Variants in IKZF2 observed in about 807,000 individuals in gnomAD.
IKZF2 encodes zinc finger protein Helios.
In IKZF2, 15 loss-of-function variants were observed where a neutral mutation model predicts 49.2. The ratio of observed to expected loss-of-function variants is 0.30; its 90% CI spans 0.20 to 0.47. The LOEUF (loss-of-function observed/expected upper bound fraction) is 0.47. IKZF2 is among the 20% of genes least tolerant of loss of function. IKZF2 has a pLI of 1.00. For missense variants in IKZF2, 567 were observed against 664.6 expected, an observed-to-expected ratio of 0.85 and a Z score of 1.61; for synonymous variants, 227 against 221.4, an observed-to-expected ratio of 1.03 and a Z score of -0.23.
In IKZF2 at chr2:213,001,974, A is replaced by G. The variant is rs968502173; in HGVS notation, c.*5386T>C. The G allele has an allele frequency of 6.6e-6, 1 of 151,576 alleles. No homozygotes were observed. Among genetic ancestry groups the G allele is most frequent in the Non-Finnish European group, 1.5e-5 (1 of 67,584 alleles). The allele number at this position is 151,576 out of a possible 1,614,324, so 9.4% of individuals were successfully genotyped here. ...AAAAAATCAATTTCCAGTAAATTAA[A>G]GTAAGTAAAATCTTGGTAAGTGCAT... On this transcript the variant is annotated 3_prime_UTR_variant, in exon 9 of 9. Transcript: ENST00000434687.
intron 4 of IKZF2, among the ~76,000 whole-genome samples, chr2:213,091,079 G>C (rs12614406): frequency 6.6e-6 from 1 of 151,966 alleles, no homozygotes; most frequent in Admixed American, 6.6e-5. Flanking sequence ...AAAGGTGCCA[G>C]AGGACCAGAG....
intron 4 of IKZF2, among the ~76,000 whole-genome samples, chr2:213,137,135 C>A (rs2060706772): frequency 6.7e-6 from 1 of 149,070 alleles, no homozygotes; most frequent in African/African-American, 2.5e-5. Context: ...TTTTTATTTC[C>A]AAAAAAAAAT....
chr2:213,085,768 T>A (rs1428688750), intron 4 of IKZF2, among the ~76,000 whole-genome samples: 3 of 152,200 alleles, frequency 2.0e-5, no homozygotes, highest in African/African-American at 7.2e-5. Context: ...AACTATCGCA[T>A]CCTGCTGTAT....
rs115101592 is a variant in IKZF2 at position 213,085,021 on chromosome 2, C to T, written c.140-27922G>A. Among the ~76,000 whole-genome samples, 309 of 152,348 alleles carry T rather than the reference C, an allele frequency of 2.0e-3. 1 individual carries two copies. Among genetic ancestry groups the T allele is most frequent in the African/African-American group, 7.1e-3 (295 of 41,588 alleles). On this transcript the variant is annotated intron_variant, in intron 4 of 8. Transcript: ENST00000434687. ...ACTGTCACTTCTATTACGCTGTACG[C>T]TATGACCCAAGAACAATCTTATTCA...
At chr2:213,072,928 A>G (rs1314708418) in intron 4 of IKZF2, among the ~76,000 whole-genome samples, 1 of 152,146 alleles carries the variant, frequency 6.6e-6, no homozygotes, top group South Asian at 2.1e-4. Flanking sequence ...AAGCTTCTTC[A>G]ATACTCTCAA....
At chr2:213,012,034 C>G (rs1696021158) in intron 8 of IKZF2, among the ~76,000 whole-genome samples, 1 of 151,840 alleles carries the variant, frequency 6.6e-6, no homozygotes, top group Non-Finnish European at 1.5e-5. Flanking sequence ...GATCATTGGT[C>G]TGGAGAATTT....
At chr2:213,134,538 C>T (rs1012443702) in intron 4 of IKZF2, among the ~76,000 whole-genome samples, 2 of 152,210 alleles carry the variant, frequency 1.3e-5, no homozygotes, top group African/African-American at 4.8e-5. Flanking sequence ...ACTAATATAA[C>T]TTAATAACTA....
intron 6 of IKZF2, among the ~76,000 whole-genome samples, chr2:213,029,739 T>C (rs913299833): frequency 6.6e-6 from 1 of 152,062 alleles, no homozygotes; most frequent in African/African-American, 2.4e-5. Flanking sequence ...GGATAAAAAG[T>C]TGTTAGGGCA....
intron 6 of IKZF2, among the ~76,000 whole-genome samples, chr2:213,037,105 A>C (rs766592479): frequency 5.3e-5 from 8 of 152,340 alleles, no homozygotes; most frequent in Non-Finnish European, 1.2e-4. Context: ...GCCAAAGTTA[A>C]GACTGTCCAC....
At chr2:213,095,576 C>T (rs978123440) in intron 4 of IKZF2, among the ~76,000 whole-genome samples, 2 of 151,992 alleles carry the variant, frequency 1.3e-5, no homozygotes, top group Non-Finnish European at 2.9e-5. Context: ...TAAAACCATG[C>T]ATATGTTATT....
chr2:213,059,265 C>T (rs952519347), intron 4 of IKZF2, among the ~76,000 whole-genome samples: 1 of 151,602 alleles, frequency 6.6e-6, no homozygotes, highest in East Asian at 1.9e-4. Context: ...AGGAACTTAG[C>T]CCAGTGTTTA....
chr2:213,026,039 A>C (rs1697783352), intron 6 of IKZF2, among the ~76,000 whole-genome samples: 1 of 151,972 alleles, frequency 6.6e-6, no homozygotes, highest in Non-Finnish European at 1.5e-5. Flanking sequence ...CTCTCCAACA[A>C]CTTTCAATAA....
rs1189280032 is a variant in IKZF2, at chr2:213,003,122, G to A, written c.*4238C>T. 6.6e-6 allele frequency: 1 copy of A among 151,932 alleles called. No homozygotes were observed. The highest frequency in any genetic ancestry group is 1.5e-5 in the Non-Finnish European group (1 of 67,628). 9.4% of individuals were successfully genotyped at this position (151,932 alleles called of 1,614,324 possible). A position where few individuals can be genotyped will look rare whatever the true frequency, so the allele number is the denominator to read the frequency against. ...TGAATTATATAGTACTCAATTTTAA[G>A]TGATTTTTAAAAATGCATATTAAAA... is the stretch of plus-strand genomic sequence containing the variant. On this transcript the variant is annotated 3_prime_UTR_variant, in exon 9 of 9. Transcript: ENST00000434687.
intron 4 of IKZF2, among the ~76,000 whole-genome samples, chr2:213,097,191 TC>T (rs1706106682): frequency 2.0e-5 from 3 of 151,928 alleles, no homozygotes; most frequent in Non-Finnish European, 4.4e-5. Flanking sequence ...TGGGAATCAT[TC>T]TAGTTAACTA....
chr2:213,019,074 T>C (rs1483589546), intron 7 of IKZF2, among the ~76,000 whole-genome samples: 1 of 152,172 alleles, frequency 6.6e-6, no homozygotes, highest in Non-Finnish European at 1.5e-5. Context: ...GAATGTTCTA[T>C]ATAACTTGGC....
At chr2:213,092,615 C>A (rs1705483812) in intron 4 of IKZF2, among the ~76,000 whole-genome samples, 1 of 152,142 alleles carries the variant, frequency 6.6e-6, no homozygotes, top group South Asian at 2.1e-4. Context: ...TCCTTTGGTG[C>A]CCAGCTCAGT....
intron 4 of IKZF2, among the ~76,000 whole-genome samples, chr2:213,100,165 AT>A (rs1467999142): frequency 6.6e-6 from 1 of 152,064 alleles, no homozygotes; most frequent in African/African-American, 2.4e-5. Context: ...TAAATTTCTA[AT>A]TCATCACATT....
chr2:213,050,749 CAATGTCATCA>C (rs1700604134), intron 5 of IKZF2, among the ~76,000 whole-genome samples: 1 of 151,984 alleles, frequency 6.6e-6, no homozygotes, highest in African/African-American at 2.4e-5. Context: ...ACTGACTCAC[CAATGTCATCA>C]AATATAAAAA....
chr2:213,089,863 C>A (rs1249747997), intron 4 of IKZF2, among the ~76,000 whole-genome samples: 2 of 151,980 alleles, frequency 1.3e-5, no homozygotes, highest in Non-Finnish European at 2.9e-5. Flanking sequence ...GGAATGACAG[C>A]CAAAAAATGA....
Sources: allele counts gnomAD v4.1 joint callset (sites outside exome capture counted in the v4.1 genomes callset), GRCh38; gene constraint gnomAD v4.1.1; transcripts MANE v1.5; gene names NCBI Gene and HGNC (gene_info 2026-07-23, HGNC 2026-07-21).